The following RWDD1 variants were observed in gnomAD, a reference collection of about 807,000 sequenced individuals.
RWDD1 encodes the protein RWD domain-containing protein 1.
Under a neutral mutation model 31.6 loss-of-function variants are expected in RWDD1, and 17 were observed. That is an observed-to-expected ratio of 0.54 (90% CI 0.37 to 0.81). The LOEUF (loss-of-function observed/expected upper bound fraction) is 0.81, where lower values mean the gene tolerates loss of function less well. Among genes scored for constraint, RWDD1 ranks in the 30% least tolerant of loss-of-function variants. RWDD1 has a pLI of 0.00. For missense variants in RWDD1, 204 were observed against 274.5 expected, an observed-to-expected ratio of 0.74 and a Z score of 1.82; for synonymous variants, 78 against 94.2, an observed-to-expected ratio of 0.83 and a Z score of 0.99.
chr6:116,593,375 T>C lies in RWDD1; in HGVS notation c.*274T>C, dbSNP rs1448704881. On this transcript the variant is annotated 3_prime_UTR_variant, in exon 7 of 7. Coordinates refer to ENST00000466444, the MANE Select transcript of RWDD1 (RefSeq NM_015952.4). The stretch of plus-strand genomic sequence containing the variant: ...ATAGCACCAAGACTCGAAGGTAGGC[T>C]GCTGCTGTGCACATGAGTTTATACA... The C allele has an allele frequency of 1.2e-5, 3 of 246,240 alleles. No homozygotes were observed. Among genetic ancestry groups the C allele is most frequent in the African/African-American group, 2.3e-5 (1 of 44,290 alleles). 15.3% of individuals were successfully genotyped at this position (246,240 alleles called of 1,614,324 possible). A position where few individuals can be genotyped will look rare whatever the true frequency, so the allele number is the denominator to read the frequency against.
intron 1 of RWDD1, chr6:116,572,999 G>C (rs1774772273): frequency 1.0e-6 from 1 of 985,290 alleles, no homozygotes; most frequent in African/African-American, 1.7e-5. Flanking sequence ...AGTGTGTATG[G>C]AGTCTGGCTC....
chr6:116,584,049 A>G (rs967660580), intron 2 of RWDD1, among the ~76,000 whole-genome samples: 6 of 152,276 alleles, frequency 3.9e-5, no homozygotes, highest in African/African-American at 9.6e-5. Context: ...GTTTAGCACT[A>G]CTGCTTAGTT....
chr6:116,587,560 T>G (rs1006120347), intron 3 of RWDD1, among the ~76,000 whole-genome samples: 6 of 152,166 alleles, frequency 3.9e-5, no homozygotes, highest in Non-Finnish European at 8.8e-5. Flanking sequence ...TATTTGGTCC[T>G]GATTGGTTTG....
intron 2 of RWDD1, 74 bp from the exon 3 acceptor site, chr6:116,584,653 T>G: frequency 1.5e-6 from 2 of 1,332,290 alleles, no homozygotes; most frequent in Non-Finnish European, 2.1e-6. Flanking sequence ...TGTGCTACTT[T>G]CTACTGATTC....
chr6:116,575,839 G>A (rs1335973598), intron 1 of RWDD1, among the ~76,000 whole-genome samples: 1 of 152,134 alleles, frequency 6.6e-6, no homozygotes, highest in African/African-American at 2.4e-5. Context: ...GAAGCAGGAT[G>A]AATAAAGGAA....
chr6:116,588,170 A>T (rs1775076261), intron 3 of RWDD1, among the ~76,000 whole-genome samples: 1 of 152,168 alleles, frequency 6.6e-6, no homozygotes, highest in Non-Finnish European at 1.5e-5. Flanking sequence ...TAGAGGTCCC[A>T]GGAGATGCAA....
intron 1 of RWDD1, among the ~76,000 whole-genome samples, chr6:116,575,095 A>AT (rs202214110): frequency 0.017 from 2,638 of 151,330 alleles, 67 homozygotes; most frequent in African/African-American, 0.06. Context: ...TCTCAAAAAA[A>AT]TTTTTTTTTG....
At chr6:116,592,508 G>A (rs17078094) in intron 6 of RWDD1, among the ~76,000 whole-genome samples, 27,744 of 152,094 alleles carry the variant, frequency 0.18, 2,700 homozygotes, top group East Asian at 0.29. Flanking sequence ...TTTAGACATT[G>A]TAACTGAAGG....
chr6:116,577,080 T>TA (rs1284587677), intron 1 of RWDD1, among the ~76,000 whole-genome samples: 5 of 152,250 alleles, frequency 3.3e-5, no homozygotes, highest in African/African-American at 1.2e-4. Context: ...GACTTTGAGT[T>TA]ACACATATTT....
chr6:116,585,540 A>G (rs186403070), intron 3 of RWDD1, among the ~76,000 whole-genome samples: 1 of 152,314 alleles, frequency 6.6e-6, no homozygotes, highest in Admixed American at 6.5e-5. Flanking sequence ...TTACTCCACC[A>G]TCTTAAAGTC....
rs1562382388 is a variant in RWDD1, at chr6:116,596,836, A to C, written c.*3735A>C. 6.7e-6 allele frequency: 1 copy of C among 149,968 alleles called. No homozygotes were observed. The highest frequency in any genetic ancestry group is 1.9e-4 in the East Asian group (1 of 5,134). The allele number at this position is 149,968 out of a possible 1,614,324, so 9.3% of individuals were successfully genotyped here. A position where few individuals can be genotyped will look rare whatever the true frequency, so the allele number is the denominator to read the frequency against. Reference sequence around the variant, plus strand: ...CCAGCCTTTCTTTGTGATAATGTTAATTTTTTTTTTCCTCCCCTCCATGAA... The same window carrying C: ...CCAGCCTTTCTTTGTGATAATGTTACTTTTTTTTTTCCTCCCCTCCATGAA... On this transcript the variant is annotated 3_prime_UTR_variant, in exon 7 of 7. Coordinates refer to ENST00000466444, the MANE Select transcript of RWDD1 (RefSeq NM_015952.4).
At position 116,580,322 on chromosome 6, in the gene RWDD1, C is replaced by T. The variant is rs759121421; in HGVS notation, c.101C>T (p.Thr34Ile). The change falls in exon 2 of 7, where the codon ACC becomes ATC. Residue 34 changes from threonine to isoleucine, a missense_variant. Transcript: ENST00000466444. ...TVLSENPPSFTITVTSEAGEN... is the reference protein window; with the variant it reads ...TVLSENPPSFIITVTSEAGEN... Reference sequence around the variant, plus strand: ...TTATCAGAAAATCCACCCAGCTTCACCATTACTGTGACGTCTGAGGCTGGA... The same window carrying T: ...TTATCAGAAAATCCACCCAGCTTCATCATTACTGTGACGTCTGAGGCTGGA... 16 of 1,600,770 alleles carry T rather than the reference C, an allele frequency of 1.0e-5. No individual in the cohort carries two copies. In the South Asian group the frequency reaches 1.8e-4, roughly 18 times the overall value.
intron 6 of RWDD1, among the ~76,000 whole-genome samples, chr6:116,591,624 C>T (rs1358758729): frequency 1.3e-5 from 2 of 152,246 alleles, no homozygotes; most frequent in Non-Finnish European, 2.9e-5. Context: ...TTGCACTGTC[C>T]TGGCCACTGA....
chr6:116,591,588 A>G (rs868675205), intron 6 of RWDD1, among the ~76,000 whole-genome samples: 21 of 152,322 alleles, frequency 1.4e-4, no homozygotes, highest in African/African-American at 4.6e-4. Flanking sequence ...CCATCTATCC[A>G]TCATCGATTC....
intron 3 of RWDD1, among the ~76,000 whole-genome samples, chr6:116,588,468 TTATTA>T (rs1351192068): frequency 2.6e-5 from 4 of 152,086 alleles, no homozygotes; most frequent in Non-Finnish European, 4.4e-5. Flanking sequence ...ACATTCTTTA[TTATTA>T]TATTATTTTA....
chr6:116,575,288 T>G (rs1774818800), intron 1 of RWDD1, among the ~76,000 whole-genome samples: 1 of 151,980 alleles, frequency 6.6e-6, no homozygotes, highest in Non-Finnish European at 1.5e-5. Flanking sequence ...GGTCTCACTA[T>G]GTTCCCAGGC....
chr6:116,581,009 G>A (rs1774939161), intron 2 of RWDD1, among the ~76,000 whole-genome samples: 1 of 152,154 alleles, frequency 6.6e-6, no homozygotes, highest in Non-Finnish European at 1.5e-5. Flanking sequence ...TTTGAAGCTA[G>A]TAAACCTAAA....
rs1775002938 is a variant in RWDD1 at position 116,584,378 on chromosome 6, A to G, written c.140-349A>G. Among the ~76,000 whole-genome samples the G allele has an allele frequency of 6.1e-5, 8 of 130,512 alleles. No homozygotes were observed. The Admixed American group carries it at 6.4e-4, about 10-fold the overall frequency. The allele number at this position is 130,512 out of a possible 152,430, so 85.6% of individuals were successfully genotyped here. ...GCTCTGGTAGAGGCTGAAAATGAGC[A>G]TACGGTAGTCTTTTTAAAAATATGT... is the stretch of plus-strand genomic sequence containing the variant. On this transcript the variant is annotated intron_variant, in intron 2 of 6. Coordinates refer to ENST00000466444, the MANE Select transcript of RWDD1 (RefSeq NM_015952.4).
chr6:116,583,440 T>C (rs1774981996), intron 2 of RWDD1, among the ~76,000 whole-genome samples: 1 of 152,168 alleles, frequency 6.6e-6, no homozygotes, highest in South Asian at 2.1e-4. Flanking sequence ...GGGGATCTAA[T>C]GCACAACATA....
Sources: allele counts gnomAD v4.1 joint callset (sites outside exome capture counted in the v4.1 genomes callset), GRCh38; gene constraint gnomAD v4.1.1; transcripts MANE v1.5; gene names NCBI Gene and HGNC (gene_info 2026-07-23, HGNC 2026-07-21).